HP: variants seen among roughly 807,000 people sequenced by gnomAD.
HP encodes the protein haptoglobin alpha(1S)-beta.
A neutral mutation model predicts 23.2 loss-of-function variants in HP; 9 were observed. The observed-to-expected ratio is 0.39, with a 90% CI of 0.23 to 0.68. The LOEUF is 0.68. Ranked by LOEUF, HP falls within the 30% of genes least tolerant of loss-of-function variation. The pLI is 0.47. For missense variants in HP, 433 were observed against 483.6 expected (o/e 0.90, Z 0.98); for synonymous variants, 155 against 183.3 (o/e 0.85, Z 1.25).
At position 72,059,895 on chromosome 16, in the gene HP, A is replaced by C. The variant is rs537434166; in HGVS notation, c.443-217A>C. 2.6e-6 allele frequency: 3 copies of C among 1,137,604 alleles called. No homozygotes were observed. The East Asian group carries it at 7.9e-5, about 30-fold the overall frequency. 70.5% of individuals were successfully genotyped at this position (1,137,604 alleles called of 1,614,324 possible). A position where few individuals can be genotyped will look rare whatever the true frequency, so the allele number is the denominator to read the frequency against. On this transcript the variant is annotated intron_variant, in intron 6 of 6. Transcript: ENST00000355906. ...GTATTTCCCACTTCCTTTGTTAGAA[A>C]AGTGGGAAATAGAGCTTTTTGTAAT...
At chr16:72,056,490 T>C (rs1202232649) in intron 2 of HP, 40 bp from the exon 3 acceptor site, 3 of 1,395,934 alleles carry the variant, frequency 2.1e-6, no homozygotes, top group Non-Finnish European at 2.9e-6. Context: ...CTGGGAACAA[T>C]TTCCAAATAG....
intron 6 of HP, 149 bp downstream of exon 6, chr16:72,059,337 G>T (rs990108702): frequency 3.3e-5 from 37 of 1,133,012 alleles, no homozygotes; most frequent in Non-Finnish European, 4.7e-5. Flanking sequence ...GACTTAAGCA[G>T]TTAGGTGATG....
At chr16:72,060,007 T>C in intron 6 of HP, 105 bp from the exon 7 acceptor site, 1 of 1,555,838 alleles carries the variant, frequency 6.4e-7, no homozygotes, top group Non-Finnish European at 8.7e-7. Context: ...CATTTAAATC[T>C]TTCTACTTTA....
chr16:72,056,267 T>C, intron 2 of HP, 24 bp downstream of exon 2: 1 of 1,606,564 alleles, frequency 6.2e-7, no homozygotes, highest in Non-Finnish European at 8.5e-7. Flanking sequence ...TGGGTAGGAG[T>C]GTGCATCCCA....
intron 4 of HP, chr16:72,057,780 G>T: frequency 2.6e-6 from 1 of 388,270 alleles, no homozygotes. Flanking sequence ...GCAAGCTCCA[G>T]GGAGAACAAG....
chr16:72,059,990 G>A, intron 6 of HP, 122 bp from the exon 7 acceptor site: 1 of 1,528,802 alleles, frequency 6.5e-7, no homozygotes, highest in Non-Finnish European at 8.8e-7. Context: ...AGGTGGTAAG[G>A]GCAAAGCATT....
chr16:72,057,513 C>T (rs539869192), intron 4 of HP, 47 bp downstream of exon 4: 25 of 752,316 alleles, frequency 3.3e-5, no homozygotes, highest in Middle Eastern at 3.6e-4. Flanking sequence ...AGGCGTCCAG[C>T]GGGGAACGTC....
intron 4 of HP, chr16:72,057,924 A>G: frequency 2.7e-6 from 1 of 363,730 alleles, no homozygotes; most frequent in East Asian, 5.1e-5. Context: ...GCAAAGACCC[A>G]GCCTCTTCTG....
In HP at chr16:72,060,569, G is replaced by T; in HGVS notation, c.900G>T (p.Met300Ile). Residue 300 changes from methionine to isoleucine, a missense_variant, in exon 7 of 7, where the codon ATG (methionine) becomes ATT (isoleucine). By Grantham distance (10) the Met-to-Ile change is conservative. Coordinates refer to ENST00000355906, the MANE Select transcript of HP (RefSeq NM_005143.5). Reference sequence around the variant, plus strand: ...TTACTGACCATCTGAAGTATGTCATGCTGCCTGTGGCTGACCAAGACCAAT... The same window carrying T: ...TTACTGACCATCTGAAGTATGTCATTCTGCCTGTGGCTGACCAAGACCAAT... ...FKFTDHLKYV[M>I]LPVADQDQCI... 6.2e-7 allele frequency: 1 copy of T among 1,614,140 alleles called. No homozygotes were observed.
At position 72,054,723 on chromosome 16, in the gene HP, C is replaced by T. The variant is rs549990680; in HGVS notation, c.5+66C>T. On this transcript the variant is annotated intron_variant, in intron 1 of 6. Transcript: ENST00000355906. Reference sequence around the variant, plus strand: ...TTATTTCAGTCTTTTTTGCATACATCGGTAGAGATGCAGAAATAGAACAAA... The same window carrying T: ...TTATTTCAGTCTTTTTTGCATACATTGGTAGAGATGCAGAAATAGAACAAA... The T allele has an allele frequency of 3.7e-5, 59 of 1,611,168 alleles. No homozygotes were observed. The Admixed American group carries it at 3.7e-4, about 10-fold the overall frequency.
intron 6 of HP, 30 bp from the exon 7 acceptor site, chr16:72,060,082 C>T (rs1411618309): frequency 6.2e-7 from 1 of 1,605,234 alleles, no homozygotes; most frequent in Non-Finnish European, 8.5e-7. Context: ...TGCACATTTC[C>T]ACTCACGAGT....
In HP at chr16:72,060,013, C is replaced by A. The variant is rs1305492774; in HGVS notation, c.443-99C>A. 10 of 1,566,888 alleles carry A rather than the reference C, an allele frequency of 6.4e-6. No individual in the cohort carries two copies. In the South Asian group the frequency reaches 1.1e-4, roughly 18 times the overall value. On this transcript the variant is annotated intron_variant, in intron 6 of 6. Coordinates refer to ENST00000355906, the MANE Select transcript of HP (RefSeq NM_005143.5). ...AGGGCAAAGCATTTAAATCTTTCTA[C>A]TTTACGCAGCAGTGACAGCCGCCCA...
rs200346377 is a variant in HP at position 72,056,174 on chromosome 16, G to C, written c.19G>C (p.Val7Leu). The C allele has an allele frequency of 2.4e-4, 385 of 1,613,858 alleles. 1 individual carries two copies. The highest frequency in any genetic ancestry group is 3.1e-4 in the Non-Finnish European group (364 of 1,179,968). The part of the protein sequence containing the change: MSALGA[V>L]IALLLWGQLF... ...TTCTCTCTGCAGTGCCCTGGGAGCT[G>C]TCATTGCCCTCCTGCTCTGGGGACA... The change falls in exon 2 of 7, where the codon GTC (valine) becomes CTC (leucine). Residue 7 changes from valine (V) to leucine (L), a missense_variant. Physicochemically the swap from Val to Leu is conservative, Grantham distance 32 (BLOSUM62 1). Transcript: ENST00000355906.
intron 1 of HP, chr16:72,055,593 G>A (rs1460608194): frequency 1.2e-5 from 2 of 167,320 alleles, no homozygotes; most frequent in Non-Finnish European, 2.7e-5. Context: ...GGCATTTTGG[G>A]GTTTCAGATA....
intron 1 of HP, 154 bp from the exon 2 acceptor site, chr16:72,056,007 A>T (rs1222286823): frequency 3.0e-6 from 4 of 1,320,674 alleles, no homozygotes; most frequent in Non-Finnish European, 4.2e-6. Flanking sequence ...TAGCACTTCC[A>T]TATATCGACT....
chr16:72,060,088 C>T (rs544605983), intron 6 of HP, 24 bp from the exon 7 acceptor site: 9 of 1,607,258 alleles, frequency 5.6e-6, no homozygotes, highest in African/African-American at 4.0e-5. Flanking sequence ...TTTCCACTCA[C>T]GAGTGTCTTG....
intron 1 of HP, 25 bp from the exon 2 acceptor site, chr16:72,056,136 A>G (rs754218598): frequency 8.5e-5 from 136 of 1,607,498 alleles, no homozygotes; most frequent in Non-Finnish European, 1.1e-4. Context: ...CTAGCTTTCC[A>G]CTCCTCCTTG....
chr16:72,059,206 A>T lies in HP; in HGVS notation c.442+18A>T, dbSNP rs1473888655. 5 of 1,565,010 alleles carry T rather than the reference A, an allele frequency of 3.2e-6. No homozygotes were observed. The highest frequency in any genetic ancestry group is 3.5e-6 in the Non-Finnish European group (4 of 1,148,318). On this transcript the variant is annotated intron_variant, in intron 6 of 6. Coordinates refer to ENST00000355906, the MANE Select transcript of HP (RefSeq NM_005143.5). ...TGAAGCAGGTGGGTGCTGAGCACTT[A>T]AGAGAGCAGGCAGGCGTCCAGCGGG...
intron 6 of HP, 54 bp from the exon 7 acceptor site, chr16:72,060,058 G>A: frequency 6.3e-7 from 1 of 1,597,802 alleles, no homozygotes; most frequent in Non-Finnish European, 8.6e-7. Context: ...CCCTTTCTCA[G>A]ATGGAAAGGC....
Sources: gnomAD v4.1 joint callset for allele counts on GRCh38, gnomAD v4.1.1 for gene constraint, MANE v1.5 for transcripts, NCBI Gene and HGNC (gene_info 2026-07-23, HGNC 2026-07-21) for gene names.